The following ERGIC1 variants were observed in gnomAD, a reference collection of about 807,000 sequenced individuals.
The protein encoded by ERGIC1 is endoplasmic reticulum-golgi intermediate compartment 1.
ERGIC1 carries 19 observed loss-of-function variants against 38.3 expected under a neutral mutation model. The observed-to-expected ratio is 0.50, with a 90% CI of 0.35 to 0.73. ERGIC1 has a LOEUF of 0.73. ERGIC1 is among the 30% of genes least tolerant of loss of function. The pLI is 0.01. For missense variants in ERGIC1, 294 were observed against 389.2 expected, an observed-to-expected ratio of 0.76 and a Z score of 2.06; for synonymous variants, 124 against 157.6, an observed-to-expected ratio of 0.79 and a Z score of 1.60.
chr5:172,915,512 C>T (rs1391754844), intron 5 of ERGIC1: 1 of 461,952 alleles, frequency 2.2e-6, no homozygotes, highest in Non-Finnish European at 4.5e-6. Flanking sequence ...GTTGTTTTGT[C>T]CTCAGAACCA....
Position 172,914,771 on chromosome 5 carries a change from A to G in ERGIC1, c.308A>G (p.Asn103Ser). 1 of 1,613,910 alleles carries G rather than the reference A, an allele frequency of 6.2e-7. No homozygotes were observed. Residue 103 changes from asparagine to serine, a missense_variant, in exon 5 of 10, where the codon AAC (asparagine) becomes AGC (serine). This residue lies in a region of ERGIC1 where 163 missense variants were observed against 225.8 expected (regional missense o/e 0.72). Transcript: ENST00000393784. Reference protein sequence around the residue: ...MGRHEVGHIDNSMKIPLNNGA... With the variant: ...MGRHEVGHIDSSMKIPLNNGA... ...AGGCACGAAGTGGGCCACATCGACAACTCCATGAAGATCCCGCTGAACAAT... is the reference window on the plus strand; with the variant it reads ...AGGCACGAAGTGGGCCACATCGACAGCTCCATGAAGATCCCGCTGAACAAT...
At chr5:172,840,687 G>A (rs1761139222) in intron 1 of ERGIC1, among the ~76,000 whole-genome samples, 1 of 152,220 alleles carries the variant, frequency 6.6e-6, no homozygotes, top group Admixed American at 6.5e-5. Flanking sequence ...CACCAGTGAA[G>A]TGGACAGTAA....
intron 3 of ERGIC1, among the ~76,000 whole-genome samples, chr5:172,901,896 G>A (rs556555561): frequency 7.2e-5 from 11 of 152,214 alleles, no homozygotes; most frequent in Non-Finnish European, 7.4e-5. Flanking sequence ...GGCTGCCCCC[G>A]GCAGGTCAGC....
intron 1 of ERGIC1, among the ~76,000 whole-genome samples, chr5:172,880,606 G>A (rs904400259): frequency 2.6e-5 from 4 of 152,194 alleles, no homozygotes; most frequent in Non-Finnish European, 4.4e-5. Context: ...GATGACAGGC[G>A]TGGGCACCAC....
intron 4 of ERGIC1, among the ~76,000 whole-genome samples, chr5:172,912,202 T>C (rs1204680479): frequency 6.6e-6 from 1 of 152,100 alleles, no homozygotes; most frequent in Non-Finnish European, 1.5e-5. Context: ...GTCCTTTGGC[T>C]ATATTAAATC....
intron 2 of ERGIC1, among the ~76,000 whole-genome samples, chr5:172,896,490 T>G (rs2113307994): frequency 6.6e-6 from 1 of 152,320 alleles, no homozygotes; most frequent in South Asian, 2.1e-4. Context: ...AGACTCTGCC[T>G]CAGCCTCAGA....
intron 8 of ERGIC1, chr5:172,934,828 A>G (rs1047749833): frequency 2.6e-5 from 8 of 310,848 alleles, no homozygotes; most frequent in East Asian, 1.5e-4. Context: ...TCAGCAAACC[A>G]TTGTTGAATA....
At chr5:172,914,589 C>A in intron 4 of ERGIC1, 125 bp from the exon 5 acceptor site, 2 of 1,508,670 alleles carry the variant, frequency 1.3e-6, no homozygotes, top group Non-Finnish European at 1.8e-6. Flanking sequence ...ACCATGAGCT[C>A]CTGGAGGTCC....
At chr5:172,945,920 G>A (rs1310915923) in intron 9 of ERGIC1, among the ~76,000 whole-genome samples, 1 of 152,200 alleles carries the variant, frequency 6.6e-6, no homozygotes, top group African/African-American at 2.4e-5. Flanking sequence ...CTGAGTTCAC[G>A]TGATCCTCCT....
chr5:172,896,152 G>A (rs912231503), intron 2 of ERGIC1, among the ~76,000 whole-genome samples: 20 of 152,050 alleles, frequency 1.3e-4, no homozygotes, highest in African/African-American at 4.8e-4. Context: ...AGACCAGCCC[G>A]GCCAACATGG....
intron 2 of ERGIC1, among the ~76,000 whole-genome samples, chr5:172,889,422 A>G (rs538947397): frequency 2.0e-5 from 3 of 152,274 alleles, no homozygotes; most frequent in South Asian, 2.1e-4. Context: ...AAAAATCACA[A>G]TCTCATCCAG....
intron 9 of ERGIC1, among the ~76,000 whole-genome samples, chr5:172,938,390 A>G (rs1261020211): frequency 1.3e-5 from 2 of 152,222 alleles, no homozygotes; most frequent in Non-Finnish European, 2.9e-5. Flanking sequence ...TAGGGTTCAG[A>G]AGGCTCTTTT....
At chr5:172,850,071 A>G (rs1761366237) in intron 1 of ERGIC1, among the ~76,000 whole-genome samples, 1 of 152,256 alleles carries the variant, frequency 6.6e-6, no homozygotes, top group Middle Eastern at 3.4e-3. Flanking sequence ...ATTAGTAAAC[A>G]CGGAAGCTGG....
intron 2 of ERGIC1, among the ~76,000 whole-genome samples, chr5:172,891,784 G>A (rs1276174392): frequency 6.6e-6 from 1 of 152,190 alleles, no homozygotes; most frequent in Non-Finnish European, 1.5e-5. Flanking sequence ...AAACACAAAA[G>A]GGAGCATACT....
At chr5:172,870,243 G>A (rs1761965783) in intron 1 of ERGIC1, among the ~76,000 whole-genome samples, 1 of 152,050 alleles carries the variant, frequency 6.6e-6, no homozygotes, top group African/African-American at 2.4e-5. Context: ...TTTTTAATTG[G>A]TGATTTTACC....
At chr5:172,836,110 G>A (rs1033329015) in intron 1 of ERGIC1, among the ~76,000 whole-genome samples, 2 of 152,166 alleles carry the variant, frequency 1.3e-5, no homozygotes, top group African/African-American at 2.4e-5. Flanking sequence ...TCACCCTTCC[G>A]TCTTACCAAG....
rs1764254989 is a variant in ERGIC1 at position 172,952,526 on chromosome 5, A to G, written c.*1710A>G. 7.1e-6 allele frequency: 1 copy of G among 141,192 alleles called. No homozygotes were observed. Among genetic ancestry groups the G allele is most frequent in the Non-Finnish European group, 1.5e-5 (1 of 67,832 alleles). The allele number at this position is 141,192 out of a possible 1,614,324, so 8.7% of individuals were successfully genotyped here. A position where few individuals can be genotyped will look rare whatever the true frequency, so the allele number is the denominator to read the frequency against. ...TTTTATGCATTTTTTTGAAGAAAAAAAAAAAAACAACTCTGAGGACATAGG... is the reference window on the plus strand; with the variant it reads ...TTTTATGCATTTTTTTGAAGAAAAAGAAAAAAACAACTCTGAGGACATAGG... On this transcript the variant is annotated 3_prime_UTR_variant, in exon 10 of 10. Coordinates refer to ENST00000393784, the MANE Select transcript of ERGIC1 (RefSeq NM_001031711.3).
rs183271787 is a variant in ERGIC1 at position 172,869,534 on chromosome 5, G to A, written c.21-19165G>A. Among the ~76,000 whole-genome samples, 173 of 152,322 alleles carry A rather than the reference G, an allele frequency of 1.1e-3. 1 individual carries two copies. Among genetic ancestry groups the A allele is most frequent in the African/African-American group, 4.1e-3 (169 of 41,572 alleles). ...TCAGGTCCCTCAGCTGGGATATTTC[G>A]TGTGCCAGAGGTAGCAGCCTCAGAT... is the stretch of plus-strand genomic sequence containing the variant. On this transcript the variant is annotated intron_variant, in intron 1 of 9. Coordinates refer to ENST00000393784, the MANE Select transcript of ERGIC1 (RefSeq NM_001031711.3).
chr5:172,893,900 T>TAC (rs1762637228), intron 2 of ERGIC1, among the ~76,000 whole-genome samples: 3 of 36,764 alleles, frequency 8.2e-5, no homozygotes, highest in African/African-American at 2.6e-4. Flanking sequence ...TATATATATA[T>TAC]ATATATGTGT....
Sources: gnomAD v4.1 joint callset for allele counts (sites outside exome capture counted in the v4.1 genomes callset) on GRCh38, gnomAD v4.1.1 for gene constraint, gnomAD v4.1.1 regional missense constraint, MANE v1.5 for transcripts, NCBI Gene and HGNC (gene_info 2026-07-23, HGNC 2026-07-21) for gene names.